The following LST1 variants were observed in gnomAD, a reference collection of about 807,000 sequenced individuals.
The protein encoded by LST1 is leukocyte specific transcript 1.
LST1 carries 9 observed loss-of-function variants against 8.5 expected under a neutral mutation model. The ratio of observed to expected loss-of-function variants is 1.06; its 90% CI spans 0.64 to 1.85. LST1 has a LOEUF of 1.85. Among genes scored for constraint, LST1 ranks in the 40% most tolerant of loss-of-function variants. The pLI is 0.00. For synonymous variants in LST1, 53 were observed against 50.4 expected (o/e 1.05, Z -0.21); for missense variants, 121 against 117.1 (o/e 1.03, Z -0.16).
rs1380763276 is a variant in LST1 at position 31,587,689 on chromosome 6, C to T, written c.68C>T (p.Ala23Val). 1 of 1,600,938 alleles carries T rather than the reference C, an allele frequency of 6.2e-7. No individual in the cohort carries two copies. The highest frequency in any genetic ancestry group is 8.5e-7 in the Non-Finnish European group (1 of 1,175,180). ...GGGCTGGGCGGGCTCCTGCTTCTGG[C>T]AGTGGTCCTTCTGTCCGCCTGCCTG... is the stretch of plus-strand genomic sequence containing the variant. ...GLGLGGLLLLAVVLLSACLCW... is the reference protein window; with the variant it reads ...GLGLGGLLLLVVVLLSACLCW... Residue 23 changes from alanine to valine, a missense_variant, in exon 3 of 5, where the codon GCA (alanine) becomes GTA (valine). Ala to Val is a moderately conservative substitution (Grantham distance 64). Transcript: ENST00000438075.
intron 1 of LST1, 140 bp from the exon 2 acceptor site, chr6:31,587,060 T>C: frequency 1.7e-6 from 1 of 591,226 alleles, no homozygotes; most frequent in South Asian, 2.1e-5. Flanking sequence ...CTCGGGTCTT[T>C]ACTTGGGCAA....
chr6:31,587,993 G>A, intron 4 of LST1, 27 bp downstream of exon 4: 3 of 1,594,020 alleles, frequency 1.9e-6, no homozygotes, highest in Non-Finnish European at 2.6e-6. Context: ...GGAAGGGGGA[G>A]GGCAAGAGAG....
chr6:31,586,631 A>G (rs1475804260), intron 1 of LST1: 1 of 152,406 alleles, frequency 6.6e-6, no homozygotes, highest in Non-Finnish European at 1.5e-5. Context: ...TCAAACAGGA[A>G]CCAGTGGTTG....
chr6:31,587,521 T>C, intron 2 of LST1, 120 bp from the exon 3 acceptor site: 3 of 790,102 alleles, frequency 3.8e-6, no homozygotes, highest in Non-Finnish European at 6.2e-6. Flanking sequence ...GCTCTGAGGG[T>C]ATATTTTTCT....
chr6:31,587,439 G>A, intron 2 of LST1, 121 bp downstream of exon 2: 1 of 1,207,304 alleles, frequency 8.3e-7, no homozygotes, highest in Non-Finnish European at 1.2e-6. Context: ...AGCTGGTACA[G>A]GAGGGAAAGG....
At position 31,587,984 on chromosome 6, in the gene LST1, G is replaced by A. The variant is rs780863544; in HGVS notation, c.135+18G>A. 2.5e-6 allele frequency: 4 copies of A among 1,604,140 alleles called. No homozygotes were observed. The highest frequency in any genetic ancestry group is 1.3e-5 in the African/African-American group (1 of 74,740). ...GGAGCTGGGTGAGTCTGGGGACAGGGAAGGGGGAGGGCAAGAGAGATCCTG... is the reference window on the plus strand; with the variant it reads ...GGAGCTGGGTGAGTCTGGGGACAGGAAAGGGGGAGGGCAAGAGAGATCCTG... On this transcript the variant is annotated intron_variant, in intron 4 of 4. Transcript: ENST00000438075.
rs1159703167 is a variant in LST1 at position 31,587,650 on chromosome 6, T to A, written c.29T>A (p.Ile10Asn). 1.7e-5 allele frequency: 27 copies of A among 1,599,718 alleles called. No individual in the cohort carries two copies. Among genetic ancestry groups the A allele is most frequent in the Non-Finnish European group, 2.0e-5 (24 of 1,173,052 alleles). Residue 10 changes from isoleucine to asparagine, a missense_variant, in exon 3 of 5, where the codon ATC becomes AAC. Transcript: ENST00000438075. MLSRNDDIC[I>N]YGGLGLGGLL... ...GCCCTCTTCCCTGAAGATATATGTATCTACGGGGGCCTGGGGCTGGGCGGG... is the reference window on the plus strand; with the variant it reads ...GCCCTCTTCCCTGAAGATATATGTAACTACGGGGGCCTGGGGCTGGGCGGG...
chr6:31,587,105 C>T, intron 1 of LST1, 95 bp from the exon 2 acceptor site: 2 of 629,088 alleles, frequency 3.2e-6, no homozygotes, highest in East Asian at 5.5e-5. Context: ...TGGGGATTAG[C>T]AGTGAGGAAT....
chr6:31,588,421 A>AGAGG (rs1772251262), intron 4 of LST1, 97 bp from the exon 5 acceptor site: 2 of 1,271,648 alleles, frequency 1.6e-6, no homozygotes, highest in African/African-American at 1.5e-5. Flanking sequence ...AGAGAGAGAG[A>AGAGG]GGGAGAGAAG....
At chr6:31,587,152 G>C (rs1772006802) in intron 1 of LST1, 48 bp from the exon 2 acceptor site, 5 of 683,772 alleles carry the variant, frequency 7.3e-6, no homozygotes, top group Non-Finnish European at 1.4e-5. Flanking sequence ...CATAAGGGAG[G>C]CTCCCCAGCC....
chr6:31,587,895 G>C (rs372642836), intron 3 of LST1, 49 bp from the exon 4 acceptor site: 1 of 1,590,312 alleles, frequency 6.3e-7, no homozygotes, highest in Non-Finnish European at 8.6e-7. Context: ...GGGAGGGCCC[G>C]GGAGAAGCAC....
chr6:31,587,862 A>G, intron 3 of LST1, 82 bp from the exon 4 acceptor site: 1 of 1,563,914 alleles, frequency 6.4e-7, no homozygotes, highest in Admixed American at 1.8e-5. Flanking sequence ...AGGGGAGTCC[A>G]CGCCTGCTGG....
At chr6:31,586,686 T>C (rs954662958) in intron 1 of LST1, 15 of 152,530 alleles carry the variant, frequency 9.8e-5, no homozygotes, top group African/African-American at 3.6e-4. Context: ...CCCCAGATAC[T>C]CCTCCATGCC....
chr6:31,588,723 C>T lies in LST1; in HGVS notation c.*47C>T, dbSNP rs1029815081. The T allele has an allele frequency of 8.7e-6, 14 of 1,606,386 alleles. No homozygotes were observed. Among genetic ancestry groups the T allele is most frequent in the Non-Finnish European group, 1.1e-5 (13 of 1,174,108 alleles). On this transcript the variant is annotated 3_prime_UTR_variant, in exon 5 of 5. Coordinates refer to ENST00000438075, the MANE Select transcript of LST1 (RefSeq NM_205839.3). ...ACCCAGGCGGGTGGACAGGGTCCCCCTGTGGTCCAGCCAGTAAAAACCATG... is the reference window on the plus strand; with the variant it reads ...ACCCAGGCGGGTGGACAGGGTCCCCTTGTGGTCCAGCCAGTAAAAACCATG...
intron 3 of LST1, 33 bp from the exon 4 acceptor site, chr6:31,587,911 G>A (rs2150407130): frequency 6.2e-7 from 1 of 1,605,038 alleles, no homozygotes; most frequent in South Asian, 1.1e-5. Context: ...AGCACAAAGG[G>A]TGGGCTGTGT....
chr6:31,587,842 G>T, intron 3 of LST1, 102 bp from the exon 4 acceptor site: 1 of 1,543,432 alleles, frequency 6.5e-7, no homozygotes, highest in Non-Finnish European at 8.8e-7. Flanking sequence ...GGAGCCACTG[G>T]GAAGCCAACA....
Position 31,588,706 on chromosome 6 carries a change from G to T in LST1, c.*30G>T. On this transcript the variant is annotated 3_prime_UTR_variant, in exon 5 of 5. Transcript: ENST00000438075. ...CCCAGACACCTTCCTCAACCCAGGC[G>T]GGTGGACAGGGTCCCCCTGTGGTCC... 6.2e-7 allele frequency: 1 copy of T among 1,612,136 alleles called. No homozygotes were observed. Among genetic ancestry groups the T allele is most frequent in the Admixed American group, 1.7e-5 (1 of 60,018 alleles).
In LST1 at chr6:31,587,324, T is replaced by C; in HGVS notation, c.19+6T>C. On this transcript the variant is annotated splice_donor_region_variant and intron_variant, in intron 2 of 4. Coordinates refer to ENST00000438075, the MANE Select transcript of LST1 (RefSeq NM_205839.3). ...AATGTTATCGCGGAATGATGGTAAG[T>C]AAAGTGTCTCTTGCATCTGCATAGA... The C allele has an allele frequency of 6.2e-7, 1 of 1,613,202 alleles. No individual in the cohort carries two copies. Among genetic ancestry groups the C allele is most frequent in the Admixed American group, 1.7e-5 (1 of 60,000 alleles).
Position 31,588,898 on chromosome 6 carries a change from C to T in LST1, c.*222C>T. On this transcript the variant is annotated 3_prime_UTR_variant, in exon 5 of 5. Coordinates refer to ENST00000438075, the MANE Select transcript of LST1 (RefSeq NM_205839.3). ...TAAAATAAAAAAAACACATGGCTCA[C>T]CCTTCCACCCACTCTGGGGTCAAAT... The T allele has an allele frequency of 1.1e-6, 1 of 897,012 alleles. No homozygotes were observed. The highest frequency in any genetic ancestry group is 1.7e-6 in the Non-Finnish European group (1 of 597,416). 55.6% of individuals were successfully genotyped at this position (897,012 alleles called of 1,614,324 possible).
Sources: allele counts gnomAD v4.1 joint callset, GRCh38; gene constraint gnomAD v4.1.1; transcripts MANE v1.5; gene names NCBI Gene and HGNC (gene_info 2026-07-23, HGNC 2026-07-21).